ARHGAP24: variants seen among roughly 807,000 people sequenced by gnomAD.
The protein encoded by ARHGAP24 is rho GTPase-activating protein 24.
Under a neutral mutation model 76.4 loss-of-function variants are expected in ARHGAP24, and 50 were observed. The observed-to-expected ratio is 0.65, with a 90% CI of 0.52 to 0.83. The LOEUF is 0.83. ARHGAP24 is among the 40% of genes least tolerant of loss of function. The pLI, the probability that ARHGAP24 is intolerant of heterozygous loss-of-function variation, is 0.00. For missense variants in ARHGAP24, 930 were observed against 914.2 expected, an observed-to-expected ratio of 1.02 and a Z score of -0.22; for synonymous variants, 345 against 323.3, an observed-to-expected ratio of 1.07 and a Z score of -0.72.
intron 7 of ARHGAP24, among the ~76,000 whole-genome samples, chr4:85,976,407 C>G (rs13138054): frequency 0.21 from 31,848 of 152,084 alleles, 3,605 homozygotes; most frequent in South Asian, 0.39. Flanking sequence ...AGAAGATCCC[C>G]CCTCTGGTAC....
chr4:85,487,782 T>TATATTATATAATATATATTTATTAC (rs1723170862), intron 1 of ARHGAP24, among the ~76,000 whole-genome samples: 1 of 108,416 alleles, frequency 9.2e-6, no homozygotes, highest in South Asian at 2.4e-4. Flanking sequence ...ATATTTATTA[T>TATATTATATAATATATATTTATTAC]ATATTATATA....
chr4:85,804,398 A>G (rs1024344906), intron 3 of ARHGAP24, among the ~76,000 whole-genome samples: 9 of 152,202 alleles, frequency 5.9e-5, no homozygotes, highest in African/African-American at 1.9e-4. Context: ...AAAATATAAT[A>G]TACTATGTAA....
At chr4:85,829,117 A>G (rs1009452615) in intron 3 of ARHGAP24, among the ~76,000 whole-genome samples, 1 of 152,174 alleles carries the variant, frequency 6.6e-6, no homozygotes, top group Non-Finnish European at 1.5e-5. Context: ...AATTCTTAAT[A>G]AAACATGTCA....
At chr4:85,949,963 A>T (rs1737511404) in intron 5 of ARHGAP24, among the ~76,000 whole-genome samples, 1 of 152,206 alleles carries the variant, frequency 6.6e-6, no homozygotes, top group Non-Finnish European at 1.5e-5. Flanking sequence ...TAAACAGCAA[A>T]TATATAAATA....
intron 3 of ARHGAP24, among the ~76,000 whole-genome samples, chr4:85,916,597 C>T (rs1250365765): frequency 2.0e-5 from 3 of 152,066 alleles, no homozygotes; most frequent in African/African-American, 7.2e-5. Context: ...ACATAAATTT[C>T]CAGTATTTTT....
intron 3 of ARHGAP24, among the ~76,000 whole-genome samples, chr4:85,752,378 G>T (rs1228347604): frequency 6.6e-6 from 1 of 152,138 alleles, no homozygotes; most frequent in African/African-American, 2.4e-5. Context: ...TGTCACCAGA[G>T]AGAACCCCAC....
At chr4:85,866,106 C>T (rs998251014) in intron 3 of ARHGAP24, among the ~76,000 whole-genome samples, 3 of 152,076 alleles carry the variant, frequency 2.0e-5, no homozygotes, top group African/African-American at 7.2e-5. Flanking sequence ...GTTCACACTA[C>T]ATTTATCAGA....
chr4:85,586,862 C>T (rs548620312), intron 2 of ARHGAP24, among the ~76,000 whole-genome samples: 131 of 152,192 alleles, frequency 8.6e-4, no homozygotes, highest in Non-Finnish European at 1.7e-3. Context: ...TGCTCCACTG[C>T]ACTCCAGCCT....
chr4:85,586,094 T>A (rs1451766307), intron 2 of ARHGAP24, among the ~76,000 whole-genome samples: 1 of 152,230 alleles, frequency 6.6e-6, no homozygotes, highest in African/African-American at 2.4e-5. Context: ...GAAGGTCAAG[T>A]GGATGCCTCT....
chr4:85,810,526 T>A (rs1436232617), intron 3 of ARHGAP24, among the ~76,000 whole-genome samples: 1 of 152,216 alleles, frequency 6.6e-6, no homozygotes, highest in Non-Finnish European at 1.5e-5. Flanking sequence ...GCAGGTCATT[T>A]AGCTGTTTTA....
intron 3 of ARHGAP24, among the ~76,000 whole-genome samples, chr4:85,895,173 A>G (rs562171713): frequency 6.6e-6 from 1 of 152,192 alleles, no homozygotes; most frequent in East Asian, 1.9e-4. Context: ...CCATGTAACC[A>G]GAAACCACCT....
intron 3 of ARHGAP24, among the ~76,000 whole-genome samples, chr4:85,902,326 A>G (rs556342226): frequency 1.3e-5 from 2 of 152,324 alleles, no homozygotes; most frequent in African/African-American, 4.8e-5. Flanking sequence ...ACTAACAACT[A>G]GAGCCTACAG....
At chr4:85,661,501 G>A (rs1200101451) in intron 2 of ARHGAP24, among the ~76,000 whole-genome samples, 1 of 151,924 alleles carries the variant, frequency 6.6e-6, no homozygotes, top group Non-Finnish European at 1.5e-5. Flanking sequence ...GTTAACAAAT[G>A]TATAGCTTCT....
At chr4:85,765,217 A>T (rs763378626) in intron 3 of ARHGAP24, among the ~76,000 whole-genome samples, 1 of 152,290 alleles carries the variant, frequency 6.6e-6, no homozygotes. Flanking sequence ...TTAAAATTGT[A>T]TGTTTTAACG....
chr4:85,637,149 C>T (rs72982082), intron 2 of ARHGAP24, among the ~76,000 whole-genome samples: 299 of 152,172 alleles, frequency 2.0e-3, no homozygotes, highest in African/African-American at 6.9e-3. Flanking sequence ...CATTTACTCT[C>T]ATGGGTGTAA....
intron 1 of ARHGAP24, among the ~76,000 whole-genome samples, chr4:85,495,769 G>A (rs957059921): frequency 1.3e-5 from 2 of 152,166 alleles, no homozygotes; most frequent in African/African-American, 2.4e-5. Context: ...CATGGCAGGC[G>A]TTGAAAGCAT....
chr4:85,587,948 G>T (rs949187447), intron 2 of ARHGAP24, among the ~76,000 whole-genome samples: 4 of 152,180 alleles, frequency 2.6e-5, no homozygotes, highest in African/African-American at 9.7e-5. Context: ...TGCAGTGGTG[G>T]TCATGATAGT....
At chr4:85,561,980 T>A (rs1301058245) in intron 1 of ARHGAP24, among the ~76,000 whole-genome samples, 1 of 152,174 alleles carries the variant, frequency 6.6e-6, no homozygotes, top group African/African-American at 2.4e-5. Flanking sequence ...GCATCTATAA[T>A]AAGGCAACAT....
At chr4:85,727,644 C>T (rs939940057) in intron 3 of ARHGAP24, among the ~76,000 whole-genome samples, 16 of 152,134 alleles carry the variant, frequency 1.1e-4, no homozygotes, top group Non-Finnish European at 2.9e-5. Flanking sequence ...TGAAATTGTT[C>T]TCAGCTTCTT....
Sources: allele counts gnomAD v4.1 joint callset (sites outside exome capture counted in the v4.1 genomes callset), GRCh38; gene constraint gnomAD v4.1.1; transcripts MANE v1.5; gene names NCBI Gene and HGNC (gene_info 2026-07-23, HGNC 2026-07-21).